BNIP3L: variants seen among roughly 807,000 people sequenced by gnomAD.
BNIP3L encodes BCL2/adenovirus E1B 19 kDa protein-interacting protein 3-like.
Under a neutral mutation model 25.5 loss-of-function variants are expected in BNIP3L, and 10 were observed. That is an observed-to-expected ratio of 0.39 (90% CI 0.24 to 0.67). BNIP3L has a LOEUF of 0.67. Among genes scored for constraint, BNIP3L ranks in the 30% least tolerant of loss-of-function variants. BNIP3L has a pLI of 0.45. For missense variants in BNIP3L, 215 were observed against 270.9 expected, an observed-to-expected ratio of 0.79 and a Z score of 1.45; for synonymous variants, 113 against 101.2, an observed-to-expected ratio of 1.12 and a Z score of -0.70.
intron 1 of BNIP3L, among the ~76,000 whole-genome samples, chr8:26,386,768 T>G (rs1335877917): frequency 6.6e-6 from 1 of 152,236 alleles, no homozygotes; most frequent in East Asian, 1.9e-4. Context: ...TTTCTTGTTA[T>G]GAAGAGTGCT....
In BNIP3L at chr8:26,412,626, G is replaced by T. The variant is rs993243806; in HGVS notation, c.*2214G>T. ...TTATGAGAGCATGTAGTATGTATCT[G>T]TAGCCCTAACACATGGGATGAACGT... On this transcript the variant is annotated 3_prime_UTR_variant, in exon 6 of 6. Transcript: ENST00000380629. 2 of 152,612 alleles carry T rather than the reference G, an allele frequency of 1.3e-5. No individual in the cohort carries two copies. Among genetic ancestry groups the T allele is most frequent in the Non-Finnish European group, 2.9e-5 (2 of 68,030 alleles). The allele number at this position is 152,612 out of a possible 1,614,324, so 9.5% of individuals were successfully genotyped here. A position where few individuals can be genotyped will look rare whatever the true frequency, so the allele number is the denominator to read the frequency against.
chr8:26,393,121 C>CTA (rs779352362), intron 2 of BNIP3L, among the ~76,000 whole-genome samples: 2 of 151,850 alleles, frequency 1.3e-5, no homozygotes, highest in Admixed American at 6.6e-5. Flanking sequence ...GGATAGCCTA[C>CTA]TAACACGCTT....
rs1176170825 is a variant in BNIP3L at position 26,401,301 on chromosome 8, T to C, written c.357+5999T>C. 2.2e-5 allele frequency among the ~76,000 whole-genome samples: 3 copies of C among 134,520 alleles called. 1 individual carries two copies. The highest frequency in any genetic ancestry group is 8.4e-5 in the African/African-American group (3 of 35,608). 88.3% of individuals were successfully genotyped at this position (134,520 alleles called of 152,430 possible). A position where few individuals can be genotyped will look rare whatever the true frequency, so the allele number is the denominator to read the frequency against. ...TGAAATTGGAAACCATCATTCTCAG[T>C]AAACTATCGCAAGAACAAAAAACCA... On this transcript the variant is annotated intron_variant, in intron 3 of 5. Transcript: ENST00000380629.
At chr8:26,388,677 A>G (rs1230103435) in intron 1 of BNIP3L, among the ~76,000 whole-genome samples, 1 of 152,198 alleles carries the variant, frequency 6.6e-6, no homozygotes, top group Non-Finnish European at 1.5e-5. Context: ...TCCTTCAAAA[A>G]AGTAAAAACC....
At chr8:26,400,824 A>G (rs1422224792) in intron 3 of BNIP3L, among the ~76,000 whole-genome samples, 1 of 121,072 alleles carries the variant, frequency 8.3e-6, no homozygotes, top group African/African-American at 3.2e-5. Context: ...AATGCTCATC[A>G]TCACTGGCCA....
chr8:26,408,151 C>T lies in BNIP3L; in HGVS notation c.461+48C>T, dbSNP rs113593460. 48 of 1,610,560 alleles carry T rather than the reference C, an allele frequency of 3.0e-5. No homozygotes were observed. The East Asian group carries it at 3.8e-4, about 13-fold the overall frequency. ...TCAGTGGACACAGTTGATCTGCGCA[C>T]GCTTACAGGCAATGGGCCTGGTAAT... On this transcript the variant is annotated intron_variant, in intron 4 of 5. Coordinates refer to ENST00000380629, the MANE Select transcript of BNIP3L (RefSeq NM_004331.3).
chr8:26,390,075 GAAGTT>G (rs907761033), intron 1 of BNIP3L, among the ~76,000 whole-genome samples: 2 of 152,182 alleles, frequency 1.3e-5, no homozygotes, highest in African/African-American at 4.8e-5. Flanking sequence ...TTTTTGCTGT[GAAGTT>G]AAGTTTATTG....
intron 2 of BNIP3L, among the ~76,000 whole-genome samples, chr8:26,391,945 A>G (rs1235893305): frequency 6.6e-6 from 1 of 152,216 alleles, no homozygotes; most frequent in Non-Finnish European, 1.5e-5. Flanking sequence ...TTCACGTTAT[A>G]GCAATATTTG....
chr8:26,396,673 A>AGT (rs1806255905), intron 3 of BNIP3L, among the ~76,000 whole-genome samples: 1 of 151,622 alleles, frequency 6.6e-6, no homozygotes, highest in Admixed American at 6.6e-5. Flanking sequence ...ATCAAATTAG[A>AGT]GTGAGCTACG....
At chr8:26,388,030 A>G (rs916102900) in intron 1 of BNIP3L, among the ~76,000 whole-genome samples, 3 of 152,244 alleles carry the variant, frequency 2.0e-5, no homozygotes, top group Admixed American at 6.5e-5. Flanking sequence ...TGTATGGTAC[A>G]GTTCCATTTC....
intron 4 of BNIP3L, 47 bp downstream of exon 4, chr8:26,408,150 A>G (rs1441321261): frequency 6.2e-7 from 1 of 1,611,740 alleles, no homozygotes; most frequent in African/African-American, 1.3e-5. Flanking sequence ...TGATCTGCGC[A>G]CGCTTACAGG....
At chr8:26,406,615 G>A (rs1245077300) in intron 3 of BNIP3L, among the ~76,000 whole-genome samples, 2 of 152,178 alleles carry the variant, frequency 1.3e-5, no homozygotes, top group African/African-American at 4.8e-5. Flanking sequence ...GAGCCCGGGA[G>A]TTCAAGACCA....
chr8:26,391,417 A>G lies in BNIP3L; in HGVS notation c.275A>G (p.His92Arg), dbSNP rs371278218. 6.4e-7 allele frequency: 1 copy of G among 1,554,650 alleles called. No individual in the cohort carries two copies. Among genetic ancestry groups the G allele is most frequent in the Non-Finnish European group, 8.7e-7 (1 of 1,147,204 alleles). ...SGQSSSRGSS[H>R]CDSPSPQEDG... ...CAGAGTAGTTCCAGAGGCAGTTCTCACTGTGACAGGTAAGTGAGACCCATG... is the reference window on the plus strand; with the variant it reads ...CAGAGTAGTTCCAGAGGCAGTTCTCGCTGTGACAGGTAAGTGAGACCCATG... Residue 92 changes from histidine to arginine, a missense_variant, in exon 2 of 6, where the codon CAC becomes CGC. Around this residue, in one of 4 missense-constraint regions of BNIP3L, gnomAD observed 36 missense variants for 75.2 expected, o/e 0.48. Transcript: ENST00000380629.
At chr8:26,409,304 AT>A (rs1585442483) in intron 5 of BNIP3L, among the ~76,000 whole-genome samples, 1 of 152,106 alleles carries the variant, frequency 6.6e-6, no homozygotes, top group East Asian at 1.9e-4. Flanking sequence ...GTAGCTGTTA[AT>A]TTTTTTCAAG....
chr8:26,405,021 G>C (rs1158112208), intron 3 of BNIP3L, among the ~76,000 whole-genome samples: 1 of 152,148 alleles, frequency 6.6e-6, no homozygotes, highest in Non-Finnish European at 1.5e-5. Context: ...TATTCTTAAA[G>C]TATTGTAAGT....
At chr8:26,385,842 A>G (rs1455952178) in intron 1 of BNIP3L, among the ~76,000 whole-genome samples, 1 of 152,134 alleles carries the variant, frequency 6.6e-6, no homozygotes, top group African/African-American at 2.4e-5. Flanking sequence ...AAGCTTTTAG[A>G]TATTGCCATA....
chr8:26,384,854 G>A (rs1805955033), intron 1 of BNIP3L, among the ~76,000 whole-genome samples: 1 of 147,834 alleles, frequency 6.8e-6, no homozygotes, highest in African/African-American at 2.5e-5. Flanking sequence ...CCTGCCACCC[G>A]CCCAGCTAAT....
intron 1 of BNIP3L, 109 bp downstream of exon 1, chr8:26,383,339 C>G (rs1441678252): frequency 1.3e-6 from 2 of 1,506,534 alleles, no homozygotes; most frequent in African/African-American, 1.4e-5. Context: ...CTCATTGGCT[C>G]AGGCATGGGA....
intron 3 of BNIP3L, among the ~76,000 whole-genome samples, chr8:26,404,219 C>T (rs1806451329): frequency 6.6e-6 from 1 of 152,132 alleles, no homozygotes; most frequent in Non-Finnish European, 1.5e-5. Context: ...TTGATCTTAG[C>T]CAAAAGTCCG....
Sources: allele counts gnomAD v4.1 joint callset (sites outside exome capture counted in the v4.1 genomes callset), GRCh38; gene constraint gnomAD v4.1.1; regional missense constraint gnomAD v4.1.1; transcripts MANE v1.5; gene names NCBI Gene and HGNC (gene_info 2026-07-23, HGNC 2026-07-21).